TEX54: variants seen among roughly 807,000 people sequenced by gnomAD.
The protein encoded by TEX54 is testis-expressed protein 54.
For missense variants in TEX54, 58 were observed against 19.6 expected (o/e 2.96, Z -3.70); for synonymous variants, 17 against 7.0 (o/e 2.42, Z -2.24).
exon 1 of TEX54, chr11:62,832,473 C>T (rs1225543788): frequency 2.2e-6 from 1 of 447,660 alleles, no homozygotes; most frequent in African/African-American, 2.0e-5. Flanking sequence ...CGAGGAGCCC[C>T]GACGACCGAA....
chr11:62,832,366 A>G, exon 1 of TEX54: 1 of 508,588 alleles, frequency 2.0e-6, no homozygotes. Flanking sequence ...GACTGAGAGC[A>G]GGTCTGGGGT....
In TEX54 at chr11:62,832,756, C is replaced by T. The variant is rs554894269; in HGVS notation, c.-6G>A. The T allele has an allele frequency of 3.8e-5, 23 of 606,092 alleles. No individual in the cohort carries two copies. The South Asian group carries it at 4.8e-4, about 13-fold the overall frequency. The allele number at this position is 606,092 out of a possible 1,614,324, so 37.5% of individuals were successfully genotyped here. On this transcript the variant is annotated 5_prime_UTR_variant, in exon 1 of 1. Transcript: ENST00000636508. ...TTGTCTTGGCAGCAGCCCATGGCCCCGCGTGGCCCTGGACTCCGTGCCACC... is the reference window on the plus strand; with the variant it reads ...TTGTCTTGGCAGCAGCCCATGGCCCTGCGTGGCCCTGGACTCCGTGCCACC...
exon 1 of TEX54, chr11:62,832,329 A>G (rs932212168): frequency 3.5e-6 from 2 of 576,206 alleles, no homozygotes; most frequent in African/African-American, 3.8e-5. Flanking sequence ...TATACGTTAG[A>G]AATTTTATTC....
exon 1 of TEX54, chr11:62,832,526 G>A (rs777786473): frequency 4.6e-6 from 2 of 433,200 alleles, no homozygotes; most frequent in South Asian, 6.4e-5. Flanking sequence ...GAAGGCTTTC[G>A]TTCGACTTGT....
exon 1 of TEX54, chr11:62,832,482 A>C (rs2084885302): frequency 6.7e-6 from 3 of 445,196 alleles, no homozygotes; most frequent in Non-Finnish European, 1.2e-5. Flanking sequence ...CCGACGACCG[A>C]ACGTGGATAG....
exon 1 of TEX54, chr11:62,832,626 C>G (rs1035964786): frequency 2.2e-5 from 10 of 447,184 alleles, no homozygotes; most frequent in Non-Finnish European, 3.9e-5. Flanking sequence ...CTCGGGAAGC[C>G]CCCTCTCACA....
exon 1 of TEX54, chr11:62,832,724 A>G (rs1272304583): frequency 1.8e-6 from 1 of 556,826 alleles, no homozygotes; most frequent in African/African-American, 1.9e-5. Context: ...CAGACATCTC[A>G]AAGTCCTTGT....
chr11:62,832,474 G>A (rs971726519), exon 1 of TEX54: 21 of 449,246 alleles, frequency 4.7e-5, no homozygotes, highest in African/African-American at 3.9e-4. Context: ...GAGGAGCCCC[G>A]ACGACCGAAC....
exon 1 of TEX54, chr11:62,832,483 A>G: frequency 2.2e-6 from 1 of 444,846 alleles, no homozygotes; most frequent in Non-Finnish European, 4.0e-6. Context: ...CGACGACCGA[A>G]CGTGGATAGT....
chr11:62,832,472 C>T, exon 1 of TEX54: 1 of 449,226 alleles, frequency 2.2e-6, no homozygotes, highest in Non-Finnish European at 3.9e-6. Context: ...GCGAGGAGCC[C>T]CGACGACCGA....
chr11:62,832,841 A>T, upstream of TEX54: 1 of 1,281,392 alleles, frequency 7.8e-7, no homozygotes, highest in Non-Finnish European at 1.0e-6. Context: ...CCGTCGCCCC[A>T]GCTCAGGCAG....
chr11:62,832,432 G>T, exon 1 of TEX54: 1 of 466,116 alleles, frequency 2.1e-6, no homozygotes, highest in South Asian at 4.3e-5. Context: ...TCCTGCTTCC[G>T]AATCTGGTCT....
rs182648098 is a variant in TEX54, at chr11:62,832,575, G to A, written c.176C>T (p.Ala59Val). Residue 59 changes from alanine (A) to valine (V), a missense_variant, in exon 1 of 1, where the codon GCC becomes GTC. Ala to Val is a moderately conservative substitution (Grantham distance 64, BLOSUM62 0). Transcript: ENST00000636508. ...CGGGGAGTTCAAGTCGATATCTTCG[G>A]CGCCTGAGGGGACGACGAGGCCTCT... 1.2e-3 allele frequency: 512 copies of A among 434,812 alleles called. 2 individuals are homozygous for A. The highest frequency in any genetic ancestry group is 9.7e-3 in the African/African-American group (473 of 48,932). The allele number at this position is 434,812 out of a possible 1,614,324, so 26.9% of individuals were successfully genotyped here. A position where few individuals can be genotyped will look rare whatever the true frequency, so the allele number is the denominator to read the frequency against.
At chr11:62,832,760 T>C in exon 1 of TEX54, 1 of 613,384 alleles carries the variant, frequency 1.6e-6, no homozygotes, top group Non-Finnish European at 2.7e-6. Context: ...TGGCCCCGCG[T>C]GGCCCTGGAC....
At chr11:62,832,373 G>T in exon 1 of TEX54, 1 of 504,510 alleles carries the variant, frequency 2.0e-6, no homozygotes, top group South Asian at 3.1e-5. Context: ...AGCAGGTCTG[G>T]GGTCATCCCT....
exon 1 of TEX54, chr11:62,832,482 A>T: frequency 2.2e-6 from 1 of 445,196 alleles, no homozygotes; most frequent in Non-Finnish European, 4.0e-6. Flanking sequence ...CCGACGACCG[A>T]ACGTGGATAG....
the TEX54 span, chr11:62,832,438 G>A: frequency 2.2e-6 from 1 of 460,832 alleles, no homozygotes; most frequent in Non-Finnish European, 3.8e-6. Context: ...TTCCGAATCT[G>A]GTCTGGTTGC....
exon 1 of TEX54, chr11:62,832,455 C>T (rs534504821): frequency 1.3e-4 from 58 of 449,686 alleles, no homozygotes; most frequent in Non-Finnish European, 2.2e-4. Flanking sequence ...TTGCCTCTTG[C>T]TTGGCCGCGA....
chr11:62,832,579 C>T, exon 1 of TEX54: 1 of 436,512 alleles, frequency 2.3e-6, no homozygotes, highest in Non-Finnish European at 4.0e-6. Context: ...TCTTCGGCGC[C>T]TGAGGGGACG....
Sources: gnomAD v4.1 joint callset for allele counts on GRCh38, gnomAD v4.1.1 for gene constraint, MANE v1.5 for transcripts, NCBI Gene and HGNC (gene_info 2026-07-23, HGNC 2026-07-21) for gene names.